The following TP73 variants were observed in gnomAD, a reference collection of about 807,000 sequenced individuals.
The protein encoded by TP73 is tumor protein p73, also known as p53-like transcription factor.
Under a neutral mutation model 62.5 loss-of-function variants are expected in TP73, and 25 were observed. That is an observed-to-expected ratio of 0.40 (90% CI 0.29 to 0.56). TP73 has a LOEUF of 0.56. TP73 is among the 20% of genes least tolerant of loss of function. The pLI, the probability that TP73 is intolerant of heterozygous loss-of-function variation, is 0.46. For missense variants in TP73, 754 were observed against 913.3 expected (o/e 0.83, Z 2.25); for synonymous variants, 423 against 377.5 (o/e 1.12, Z -1.40).
At chr1:3,718,661 C>T (rs1398321280) in intron 4 of TP73, among the ~76,000 whole-genome samples, 2 of 152,144 alleles carry the variant, frequency 1.3e-5, no homozygotes, top group East Asian at 3.9e-4. Flanking sequence ...CCTCTGCCCG[C>T]AGGCTTGGTT....
intron 3 of TP73, among the ~76,000 whole-genome samples, chr1:3,695,458 C>T (rs971375234): frequency 6.6e-6 from 1 of 152,200 alleles, no homozygotes; most frequent in Non-Finnish European, 1.5e-5. Context: ...CACCCTTGGG[C>T]CTGGCCTGTT....
At chr1:3,721,467 C>T (rs890701796) in intron 4 of TP73, among the ~76,000 whole-genome samples, 1 of 152,250 alleles carries the variant, frequency 6.6e-6, no homozygotes, top group Non-Finnish European at 1.5e-5. Flanking sequence ...CCATGAGAGG[C>T]CTTCACACCA....
Position 3,696,106 on chromosome 1 carries a change from A to T in TP73, c.187-11443A>T, listed in dbSNP as rs1039106791. On this transcript the variant is annotated intron_variant, in intron 3 of 13. Coordinates refer to ENST00000378295, the MANE Select transcript of TP73 (RefSeq NM_005427.4). The surrounding 1 kb of genome is among the most constrained non-coding windows in gnomAD (Gnocchi z 4.1). ...ACGAGCGAGCAGTTCCCAAAGCCCC[A>T]TGAGGGAGGGGTTTCCAGTGGTCCT... Among the ~76,000 whole-genome samples, 15 of 152,180 alleles carry T rather than the reference A, an allele frequency of 9.9e-5. No individual in the cohort carries two copies. Among genetic ancestry groups the T allele is most frequent in the African/African-American group, 3.4e-4 (14 of 41,444 alleles).
intron 1 of TP73, among the ~76,000 whole-genome samples, chr1:3,675,969 T>C (rs1645356070): frequency 6.7e-6 from 1 of 149,560 alleles, no homozygotes. Context: ...CCTGGAGAGA[T>C]AGGGATGAGA....
At chr1:3,689,461 G>A (rs1645751234) in intron 3 of TP73, among the ~76,000 whole-genome samples, 1 of 152,100 alleles carries the variant, frequency 6.6e-6, no homozygotes, top group Non-Finnish European at 1.5e-5. Context: ...AGCCCCTTGG[G>A]GCACAACACC....
chr1:3,653,671 G>T (rs545207534), intron 1 of TP73, among the ~76,000 whole-genome samples: 1 of 152,136 alleles, frequency 6.6e-6, no homozygotes, highest in Non-Finnish European at 1.5e-5. Context: ...GTTTTTTGTT[G>T]CTGTCATTGC....
chr1:3,680,464 C>T (rs1220204665), intron 1 of TP73, among the ~76,000 whole-genome samples: 1 of 152,192 alleles, frequency 6.6e-6, no homozygotes, highest in East Asian at 1.9e-4. Flanking sequence ...ACCCAGAGGC[C>T]TCTGGCGGCA....
intron 8 of TP73, 140 bp from the exon 9 acceptor site, chr1:3,727,989 G>C: frequency 1.7e-6 from 2 of 1,160,658 alleles, no homozygotes; most frequent in African/African-American, 1.5e-5. Context: ...AGGTTTGCCC[G>C]TCCCTGTGGG....
intron 4 of TP73, among the ~76,000 whole-genome samples, chr1:3,714,505 C>T (rs1640429991): frequency 6.6e-6 from 1 of 152,252 alleles, no homozygotes. Context: ...GTTAAGGGGC[C>T]CTCTCTGCAG....
intron 4 of TP73, 193 bp downstream of exon 4, chr1:3,707,984 T>G (rs1639818460): frequency 3.4e-6 from 3 of 877,898 alleles, no homozygotes. Context: ...TGCCCACCCC[T>G]CTAGACGTGA....
rs148444642 is a variant in TP73 at position 3,670,714 on chromosome 1, T to G, written c.-33-11619T>G. On this transcript the variant is annotated intron_variant, in intron 1 of 13. Coordinates refer to ENST00000378295, the MANE Select transcript of TP73 (RefSeq NM_005427.4). The surrounding 1 kb of genome is among the most constrained non-coding windows in gnomAD (Gnocchi z 5.9). Reference sequence around the variant, plus strand: ...AAGATAGGAAAAGAAAAAGAAAAAGTGAGGAGAAATGAGGAGGAAGTCGAG... The same window carrying G: ...AAGATAGGAAAAGAAAAAGAAAAAGGGAGGAGAAATGAGGAGGAAGTCGAG... Among the ~76,000 whole-genome samples, 618 of 151,196 alleles carry G rather than the reference T, an allele frequency of 4.1e-3. 5 individuals are homozygous for G. Among genetic ancestry groups the G allele is most frequent in the African/African-American group, 0.014 (576 of 41,156 alleles).
intron 3 of TP73, among the ~76,000 whole-genome samples, chr1:3,706,937 G>A (rs1010213161): frequency 3.3e-5 from 5 of 152,144 alleles, no homozygotes; most frequent in Non-Finnish European, 5.9e-5. Context: ...GGGTGAGGCC[G>A]TTCACCGAGA....
chr1:3,657,810 GC>G (rs1277054543), intron 1 of TP73, among the ~76,000 whole-genome samples: 1 of 152,152 alleles, frequency 6.6e-6, no homozygotes, highest in Non-Finnish European at 1.5e-5. Flanking sequence ...CTCCTCCACA[GC>G]CCCTGCATCC....
intron 1 of TP73, among the ~76,000 whole-genome samples, chr1:3,667,463 G>A (rs1034523262): frequency 4.6e-5 from 7 of 152,232 alleles, no homozygotes; most frequent in East Asian, 1.9e-4. Context: ...AGGCATAAAC[G>A]AGGGCAGCTG....
chr1:3,685,607 G>A (rs1030701106), intron 3 of TP73, among the ~76,000 whole-genome samples: 10 of 152,174 alleles, frequency 6.6e-5, no homozygotes, highest in Admixed American at 2.0e-4. Context: ...CCATGGGAGC[G>A]CCAGGTACAA....
intron 1 of TP73, among the ~76,000 whole-genome samples, chr1:3,655,196 G>T (rs1439026104): frequency 6.6e-6 from 1 of 152,196 alleles, no homozygotes; most frequent in African/African-American, 2.4e-5. Flanking sequence ...AGACCAGCCT[G>T]GGCAAAATGG....
intron 3 of TP73, 117 bp from the exon 4 acceptor site, chr1:3,707,432 T>C: frequency 1.4e-6 from 2 of 1,411,556 alleles, no homozygotes; most frequent in Non-Finnish European, 1.9e-6. Context: ...CGGGGAAATA[T>C]TTGGGATGAC....
chr1:3,669,241 G>T (rs534912833), intron 1 of TP73, among the ~76,000 whole-genome samples: 1 of 152,330 alleles, frequency 6.6e-6, no homozygotes, highest in African/African-American at 2.4e-5. Context: ...GGGTGCAGTG[G>T]CTCCGGGGGC....
At chr1:3,697,365 G>A (rs180785408) in intron 3 of TP73, among the ~76,000 whole-genome samples, 26 of 152,286 alleles carry the variant, frequency 1.7e-4, no homozygotes, top group East Asian at 5.8e-4. Context: ...ACAGGCCCTC[G>A]GCCCTTCCTC....
Sources: gnomAD v4.1 joint callset for allele counts (sites outside exome capture counted in the v4.1 genomes callset) on GRCh38, gnomAD v4.1.1 for gene constraint, Gnocchi (gnomAD v3.1) non-coding constraint, MANE v1.5 for transcripts, NCBI Gene and HGNC (gene_info 2026-07-23, HGNC 2026-07-21) for gene names.